Variants in MYSM1 observed in about 807,000 individuals in gnomAD.
The protein encoded by MYSM1 is deubiquitinase MYSM1.
Under a neutral mutation model 116.0 loss-of-function variants are expected in MYSM1, and 51 were observed. The observed-to-expected ratio is 0.44, with a 90% CI of 0.35 to 0.56. MYSM1 has a LOEUF of 0.56. MYSM1 is among the 20% of genes least tolerant of loss of function. The pLI, the probability that MYSM1 is intolerant of heterozygous loss-of-function variation, is 0.00. For missense variants in MYSM1, 900 were observed against 974.9 expected (o/e 0.92, Z 1.02); for synonymous variants, 313 against 315.2 (o/e 0.99, Z 0.07).
At chr1:58,661,113 G>T in intron 19 of MYSM1, 57 bp downstream of exon 19, 1 of 1,282,674 alleles carries the variant, frequency 7.8e-7, no homozygotes, top group Non-Finnish European at 1.1e-6. Flanking sequence ...AACACATTGA[G>T]ATGAATAGCT....
chr1:58,686,709 TGAAGACAAATA>T (rs570227532), intron 6 of MYSM1, among the ~76,000 whole-genome samples: 29 of 152,284 alleles, frequency 1.9e-4, no homozygotes, highest in East Asian at 1.7e-3. Flanking sequence ...TATTGTGGGA[TGAAGACAAATA>T]GATAACATTG....
intron 5 of MYSM1, chr1:58,689,471 T>G (rs934447675): frequency 6.0e-6 from 1 of 167,580 alleles, no homozygotes; most frequent in East Asian, 1.6e-4. Context: ...CTGAAAGGCA[T>G]GTAAGAGTTT....
At chr1:58,681,599 T>C (rs1442397769) in intron 8 of MYSM1, among the ~76,000 whole-genome samples, 186 bp downstream of exon 8, 1 of 152,176 alleles carries the variant, frequency 6.6e-6, no homozygotes, top group Non-Finnish European at 1.5e-5. Flanking sequence ...GGCAAAAAGA[T>C]GGGTTATGAG....
chr1:58,689,794 T>A (rs993062538), intron 5 of MYSM1: 1 of 158,338 alleles, frequency 6.3e-6, no homozygotes, highest in Non-Finnish European at 1.4e-5. Context: ...TGCTAAATAA[T>A]GTTTTTTCAA....
chr1:58,681,528 G>A (rs1333414085), intron 8 of MYSM1, among the ~76,000 whole-genome samples: 2 of 152,120 alleles, frequency 1.3e-5, no homozygotes, highest in African/African-American at 4.8e-5. Context: ...GCTGTCCTAG[G>A]AGACTGCTTC....
chr1:58,686,089 C>G (rs1484872340), intron 6 of MYSM1, among the ~76,000 whole-genome samples: 1 of 152,090 alleles, frequency 6.6e-6, no homozygotes, highest in Admixed American at 6.6e-5. Flanking sequence ...CTTTGCCGGG[C>G]TAATTTTTTA....
chr1:58,680,026 C>CAAAAAAAAAAAAAAAAAAA (rs6143231), intron 8 of MYSM1, among the ~76,000 whole-genome samples: 1 of 126,914 alleles, frequency 7.9e-6, no homozygotes, highest in Non-Finnish European at 1.7e-5. Flanking sequence ...GACTCTGTCT[C>CAAAAAAAAAAAAAAAAAAA]AAAAAAAAAA....
chr1:58,657,562 G>A lies in MYSM1; in HGVS notation c.*2435C>T, dbSNP rs780735592. On this transcript the variant is annotated 3_prime_UTR_variant, in exon 20 of 20. Coordinates refer to ENST00000472487, the MANE Select transcript of MYSM1 (RefSeq NM_001085487.3). ...TATGACAAAAGAAAAAGGAAGCAGG[G>A]AAAATGATGGAGGAAGAGAGAAAGA... 7.9e-5 allele frequency: 12 copies of A among 152,064 alleles called. No homozygotes were observed. Among genetic ancestry groups the A allele is most frequent in the Non-Finnish European group, 1.5e-4 (10 of 68,010 alleles). The allele number at this position is 152,064 out of a possible 1,614,324, so 9.4% of individuals were successfully genotyped here. A position where few individuals can be genotyped will look rare whatever the true frequency, so the allele number is the denominator to read the frequency against.
At chr1:58,684,608 C>T (rs6664796) in intron 7 of MYSM1, among the ~76,000 whole-genome samples, 54,138 of 148,610 alleles carry the variant, frequency 0.36, 10,052 homozygotes, top group Non-Finnish European at 0.41. Flanking sequence ...AATATCAAAA[C>T]GACATGGTTG....
In MYSM1 at chr1:58,656,821, A is replaced by T. The variant is rs1042612111; in HGVS notation, c.*3176T>A. The T allele has an allele frequency of 6.6e-6, 1 of 152,224 alleles. No individual in the cohort carries two copies. The highest frequency in any genetic ancestry group is 1.5e-5 in the Non-Finnish European group (1 of 68,038). 9.4% of individuals were successfully genotyped at this position (152,224 alleles called of 1,614,324 possible). ...GGCCCACAGTTTTTTAGAAGCCCAC[A>T]AAAATGTTTTAATTTTTTTTAGCCT... On this transcript the variant is annotated 3_prime_UTR_variant, in exon 20 of 20. Coordinates refer to ENST00000472487, the MANE Select transcript of MYSM1 (RefSeq NM_001085487.3).
intron 17 of MYSM1, among the ~76,000 whole-genome samples, chr1:58,664,484 C>T (rs1357381120): frequency 6.6e-6 from 1 of 152,148 alleles, no homozygotes; most frequent in Non-Finnish European, 1.5e-5. Flanking sequence ...TTTATTAGGA[C>T]TTGCTAAATA....
rs1258903458 is a variant in MYSM1 at position 58,682,393 on chromosome 1, T to A, written c.651A>T (p.Leu217Phe). 1.2e-6 allele frequency: 2 copies of A among 1,614,196 alleles called. No individual in the cohort carries two copies. The highest frequency in any genetic ancestry group is 1.7e-6 in the Non-Finnish European group (2 of 1,180,032). ...PNLNAVKIEK[L>F]SDDEEVDITD... ...TGATGTCTACTTCTTCATCATCAGA[T>A]AACTTTTCAATTTTTACAGCATTCA... The change falls in exon 8 of 20, where the codon TTA (leucine) becomes TTT (phenylalanine). Residue 217 changes from leucine to phenylalanine, a missense_variant. This residue lies in a region of MYSM1 where 622 missense variants were observed against 623.7 expected (regional missense o/e 1.00). Transcript: ENST00000472487.
chr1:58,661,258 G>C (rs765452182), intron 18 of MYSM1, 31 bp from the exon 19 acceptor site: 6 of 1,559,752 alleles, frequency 3.8e-6, no homozygotes, highest in Non-Finnish European at 5.3e-6. Flanking sequence ...ACAAACTGGT[G>C]AAACGAATAC....
At chr1:58,692,725 G>T in intron 3 of MYSM1, 136 bp downstream of exon 3, 1 of 570,866 alleles carries the variant, frequency 1.8e-6, no homozygotes, top group South Asian at 3.0e-5. Flanking sequence ...GCATACATAG[G>T]TAACATGAAA....
chr1:58,699,672 C>A (rs917735586), intron 1 of MYSM1: 33 of 985,270 alleles, frequency 3.3e-5, no homozygotes, highest in Non-Finnish European at 4.0e-5. Context: ...TCGATGAGAT[C>A]CTGAAAAGGA....
chr1:58,662,620 G>GT (rs1396097204), intron 17 of MYSM1, among the ~76,000 whole-genome samples: 1 of 150,942 alleles, frequency 6.6e-6, no homozygotes, highest in Admixed American at 6.6e-5. Context: ...TTCTACCATG[G>GT]TAAGGAATAA....
chr1:58,668,618 T>C lies in MYSM1; in HGVS notation c.1767+14A>G, dbSNP rs375572305. On this transcript the variant is annotated intron_variant, in intron 14 of 19. Coordinates refer to ENST00000472487, the MANE Select transcript of MYSM1 (RefSeq NM_001085487.3). ...AATCAGAATAACTAAGTAAACACAA[T>C]AGATTATCCTTACCAAATCCATTAT... 7 of 1,594,810 alleles carry C rather than the reference T, an allele frequency of 4.4e-6. No individual in the cohort carries two copies. The African/African-American group carries it at 6.7e-5, about 15-fold the overall frequency.
chr1:58,696,436 T>C (rs1644975320), intron 1 of MYSM1, among the ~76,000 whole-genome samples: 1 of 152,186 alleles, frequency 6.6e-6, no homozygotes, highest in African/African-American at 2.4e-5. Flanking sequence ...TACTCTTCTA[T>C]TGTTCACCAT....
In MYSM1 at chr1:58,689,072, G is replaced by A. The variant is rs751390112; in HGVS notation, c.365C>T (p.Thr122Met). 10 of 1,610,266 alleles carry A rather than the reference G, an allele frequency of 6.2e-6. No individual in the cohort carries two copies. The highest frequency in any genetic ancestry group is 2.2e-5 in the East Asian group (1 of 44,730). ...TTCAAACAGCTCTTTTTCTTCTATC[G>A]TCCACTTTACTGAGTAACTGGCTGG... ...TKPASYSVKW[T>M]IEEKELFEQG... is the part of the protein sequence containing the mutation. The change falls in exon 6 of 20, where the codon ACG (threonine) becomes ATG (methionine). Residue 122 changes from threonine (T) to methionine (M), a missense_variant. Physicochemically the swap from Thr to Met is moderately conservative, Grantham distance 81. This residue lies in a region of MYSM1 where 622 missense variants were observed against 623.7 expected (regional missense o/e 1.00). Coordinates refer to ENST00000472487, the MANE Select transcript of MYSM1 (RefSeq NM_001085487.3).
Sources: gnomAD v4.1 joint callset for allele counts (sites outside exome capture counted in the v4.1 genomes callset) on GRCh38, gnomAD v4.1.1 for gene constraint, gnomAD v4.1.1 regional missense constraint, MANE v1.5 for transcripts, NCBI Gene and HGNC (gene_info 2026-07-23, HGNC 2026-07-21) for gene names.